Variants in MLIP observed in about 807,000 individuals in gnomAD.
MLIP encodes the protein muscular LMNA-interacting protein.
MLIP carries 79 observed loss-of-function variants against 84.8 expected under a neutral mutation model. The observed-to-expected ratio is 0.93, with a 90% CI of 0.78 to 1.12. The LOEUF (loss-of-function observed/expected upper bound fraction) is 1.12, where lower values mean the gene tolerates loss of function less well. Among genes scored for constraint, MLIP ranks in the 50% most tolerant of loss-of-function variants. The pLI is 0.00. For synonymous variants in MLIP, 504 were observed against 463.0 expected, an observed-to-expected ratio of 1.09 and a Z score of -1.14; for missense variants, 1,257 against 1,160.6, an observed-to-expected ratio of 1.08 and a Z score of -1.21.
chr6:54,061,091 T>A (rs1765939885), intron 1 of MLIP, among the ~76,000 whole-genome samples: 1 of 150,726 alleles, frequency 6.6e-6, no homozygotes, highest in African/African-American at 2.4e-5. Context: ...TCCAAAGGGG[T>A]TGAGATATCT....
At chr6:54,052,525 A>G (rs1429338512) in intron 1 of MLIP, among the ~76,000 whole-genome samples, 3 of 152,102 alleles carry the variant, frequency 2.0e-5, no homozygotes, top group African/African-American at 7.2e-5. Flanking sequence ...GTAGAGATCT[A>G]TTTTTCTTTT....
intron 1 of MLIP, among the ~76,000 whole-genome samples, chr6:54,078,520 G>A (rs1766941310): frequency 1.3e-5 from 2 of 152,110 alleles, no homozygotes; most frequent in Admixed American, 1.3e-4. Flanking sequence ...AGGCTGCTGT[G>A]AGCCTGTGAG....
At chr6:54,076,708 C>G (rs775814411) in intron 1 of MLIP, among the ~76,000 whole-genome samples, 1 of 152,096 alleles carries the variant, frequency 6.6e-6, no homozygotes, top group Non-Finnish European at 1.5e-5. Flanking sequence ...AAATCAAAGC[C>G]TGAATACAAT....
At chr6:54,036,605 T>A (rs937749405) in intron 1 of MLIP, among the ~76,000 whole-genome samples, 2 of 151,972 alleles carry the variant, frequency 1.3e-5, no homozygotes, top group African/African-American at 4.8e-5. Context: ...GTAGACAATG[T>A]GGCAAAAGGA....
chr6:54,119,000 A>T (rs557398248), intron 1 of MLIP, among the ~76,000 whole-genome samples: 1 of 152,366 alleles, frequency 6.6e-6, no homozygotes, highest in East Asian at 1.9e-4. Context: ...GTGAGATATT[A>T]CCTCCCTCCT....
At chr6:54,099,386 T>G (rs1052752065) in intron 1 of MLIP, among the ~76,000 whole-genome samples, 1 of 152,150 alleles carries the variant, frequency 6.6e-6, no homozygotes, top group Non-Finnish European at 1.5e-5. Flanking sequence ...TGATTTTTTT[T>G]GTGTATCAAA....
chr6:54,081,703 G>C (rs76619094), intron 1 of MLIP, among the ~76,000 whole-genome samples: 1 of 152,044 alleles, frequency 6.6e-6, no homozygotes, highest in East Asian at 1.9e-4. Flanking sequence ...GTGAGGCACC[G>C]CGCCCGGCCA....
chr6:54,133,294 A>G (rs933574290), intron 3 of MLIP, among the ~76,000 whole-genome samples: 1 of 152,156 alleles, frequency 6.6e-6, no homozygotes, highest in Non-Finnish European at 1.5e-5. Flanking sequence ...AAGATTATTT[A>G]ATGTGTTCAG....
intron 11 of MLIP, among the ~76,000 whole-genome samples, chr6:54,228,843 A>G (rs1780785647): frequency 6.6e-6 from 1 of 152,208 alleles, no homozygotes; most frequent in Admixed American, 6.5e-5. Context: ...CTTTTCTCAC[A>G]TAGTTAGTCT....
intron 1 of MLIP, among the ~76,000 whole-genome samples, chr6:54,094,071 T>G (rs762871547): frequency 1.3e-5 from 2 of 152,162 alleles, no homozygotes; most frequent in African/African-American, 2.4e-5. Flanking sequence ...TTGGTAATGA[T>G]AGAAATAATA....
chr6:54,071,539 T>C (rs113283919), intron 1 of MLIP, among the ~76,000 whole-genome samples: 25 of 152,292 alleles, frequency 1.6e-4, no homozygotes, highest in African/African-American at 5.8e-4. Context: ...TTAACCTGTT[T>C]AGGATTTTTT....
intron 12 of MLIP, among the ~76,000 whole-genome samples, chr6:54,243,407 T>G (rs1781868628): frequency 6.6e-6 from 1 of 152,068 alleles, no homozygotes; most frequent in Admixed American, 6.6e-5. Context: ...TCAATTAAGA[T>G]TACTAGATAG....
chr6:54,251,171 A>G (rs1782451575), intron 12 of MLIP, among the ~76,000 whole-genome samples: 2 of 151,946 alleles, frequency 1.3e-5, no homozygotes, highest in African/African-American at 4.8e-5. Flanking sequence ...TAGTTGGAAT[A>G]GATAAATATT....
At chr6:54,042,936 G>T (rs1196606909) in intron 1 of MLIP, among the ~76,000 whole-genome samples, 4 of 152,126 alleles carry the variant, frequency 2.6e-5, no homozygotes, top group Non-Finnish European at 5.9e-5. Flanking sequence ...AAGGAACCAC[G>T]AGTAGTAAAG....
At chr6:54,129,852 A>G (rs2150461872) in intron 3 of MLIP, among the ~76,000 whole-genome samples, 1 of 152,300 alleles carries the variant, frequency 6.6e-6, no homozygotes, top group East Asian at 1.9e-4. Flanking sequence ...CTAAGTAGTA[A>G]TTCAGATTCT....
intron 12 of MLIP, among the ~76,000 whole-genome samples, chr6:54,236,902 A>G (rs530706956): frequency 6.6e-6 from 1 of 152,250 alleles, no homozygotes; most frequent in African/African-American, 2.4e-5. Context: ...AAAACAGGTT[A>G]TTTATTGATT....
At chr6:54,186,641 T>G (rs1434740051) in intron 9 of MLIP, among the ~76,000 whole-genome samples, 2 of 152,112 alleles carry the variant, frequency 1.3e-5, no homozygotes, top group African/African-American at 4.8e-5. Context: ...GAGAGAAGTG[T>G]AGGCAAGAGC....
At chr6:54,022,746 G>A (rs569113570) in intron 1 of MLIP, among the ~76,000 whole-genome samples, 1 of 151,976 alleles carries the variant, frequency 6.6e-6, no homozygotes, top group Non-Finnish European at 1.5e-5. Context: ...ATAAATAATG[G>A]TTTCTTTAAG....
At chr6:54,172,677 T>C (rs768869361) in intron 9 of MLIP, among the ~76,000 whole-genome samples, 8 of 150,940 alleles carry the variant, frequency 5.3e-5, no homozygotes, top group Non-Finnish European at 8.9e-5. Flanking sequence ...TTCCACTTTA[T>C]AGGCCTTTGT....
Sources: gnomAD v4.1 joint callset for allele counts (sites outside exome capture counted in the v4.1 genomes callset) on GRCh38, gnomAD v4.1.1 for gene constraint, MANE v1.5 for transcripts, NCBI Gene and HGNC (gene_info 2026-07-23, HGNC 2026-07-21) for gene names.